ADCY10: variants seen among roughly 807,000 people sequenced by gnomAD.
ADCY10 encodes the protein adenylate cyclase type 10.
A neutral mutation model predicts 183.3 loss-of-function variants in ADCY10; 156 were observed. That is an observed-to-expected ratio of 0.85 (90% CI 0.75 to 0.97). The LOEUF (loss-of-function observed/expected upper bound fraction) is 0.97, where lower values mean the gene tolerates loss of function less well. Ranked by LOEUF, ADCY10 falls within the 50% of genes least tolerant of loss-of-function variation. The probability of loss-of-function intolerance (pLI) is 0.00; values close to 1 mark genes in which losing one functional copy is unlikely to be tolerated. For missense variants in ADCY10, 1,745 were observed against 1,934.3 expected (o/e 0.90, Z 1.84); for synonymous variants, 645 against 670.0 (o/e 0.96, Z 0.58).
chr1:167,832,883 T>C lies in ADCY10; in HGVS notation c.3593+104A>G, dbSNP rs1047367661. On this transcript the variant is annotated intron_variant, in intron 25 of 32. Transcript: ENST00000367851. ...AATGGTCAGAGCCAAACAGGAGTCC[T>C]TGTGCCCCCTGGAGGCCAGGCTTTG... 3.3e-6 allele frequency: 4 copies of C among 1,229,436 alleles called. No individual in the cohort carries two copies. In the African/African-American group the frequency reaches 4.5e-5, roughly 14 times the overall value. 76.2% of individuals were successfully genotyped at this position (1,229,436 alleles called of 1,614,324 possible).
intron 21 of ADCY10, 146 bp from the exon 22 acceptor site, chr1:167,837,464 A>G: frequency 1.4e-6 from 1 of 701,500 alleles, no homozygotes; most frequent in South Asian, 1.5e-5. Flanking sequence ...ATTGTATCTT[A>G]GGTGAAGCCA....
intron 31 of ADCY10, among the ~76,000 whole-genome samples, chr1:167,817,009 A>T (rs1207808611): frequency 1.3e-5 from 2 of 152,196 alleles, no homozygotes; most frequent in African/African-American, 4.8e-5. Flanking sequence ...ACATCTCCTA[A>T]GCAGAGATCC....
At chr1:167,908,956 T>C (rs535287768) in intron 1 of ADCY10, among the ~76,000 whole-genome samples, 1 of 152,240 alleles carries the variant, frequency 6.6e-6, no homozygotes, top group Non-Finnish European at 1.5e-5. Flanking sequence ...AAATCATAAG[T>C]GTATAGCTTG....
In ADCY10 at chr1:167,878,667, G is replaced by A. The variant is rs755262537; in HGVS notation, c.1217-32C>T. 16 of 1,595,078 alleles carry A rather than the reference G, an allele frequency of 1.0e-5. No individual in the cohort carries two copies. In the East Asian group the frequency reaches 3.4e-4, roughly 33 times the overall value. ...CAAGAAAGAGAAAGTCAAAGATCAG[G>A]GAAATAACAGGCATTGAACTGAATG... On this transcript the variant is annotated intron_variant, in intron 11 of 32. Transcript: ENST00000367851.
At chr1:167,853,864 A>T (rs1665686628) in intron 18 of ADCY10, among the ~76,000 whole-genome samples, 1 of 85,804 alleles carries the variant, frequency 1.2e-5, no homozygotes. Flanking sequence ...TTTGAGACAG[A>T]GTCTCACTCT....
rs368439510 is a variant in ADCY10 at position 167,870,451 on chromosome 1, G to A, written c.1463-41C>T. 328 of 1,520,794 alleles carry A rather than the reference G, an allele frequency of 2.2e-4. No homozygotes were observed. The African/African-American group carries it at 3.5e-3, about 16-fold the overall frequency. 94.2% of individuals were successfully genotyped at this position (1,520,794 alleles called of 1,614,324 possible). ...TTAAAAAAGAGCAAACTCAATCAAC[G>A]TAAAATAGTCTAGAGATATAAAAAG... On this transcript the variant is annotated intron_variant, in intron 13 of 32. Coordinates refer to ENST00000367851, the MANE Select transcript of ADCY10 (RefSeq NM_018417.6).
rs373505519 is a variant in ADCY10 at position 167,832,981 on chromosome 1, C to T, written c.3593+6G>A. ...ACAGTCTGCTCTCCCCAGCTCCTTC[C>T]CTTACCCTGGAGGTGGGCTCTCTTG... On this transcript the variant is annotated splice_donor_region_variant and intron_variant, in intron 25 of 32. Transcript: ENST00000367851. 1.5e-5 allele frequency: 25 copies of T among 1,613,328 alleles called. No homozygotes were observed. In the Admixed American group the frequency reaches 2.2e-4, roughly 14 times the overall value.
chr1:167,837,124 C>G (rs1664267915), intron 22 of ADCY10, 125 bp downstream of exon 22: 1 of 817,322 alleles, frequency 1.2e-6, no homozygotes, highest in South Asian at 1.4e-5. Flanking sequence ...ATGCATACCC[C>G]CCAAAGTTTC....
chr1:167,883,030 G>T (rs773557622), intron 9 of ADCY10, among the ~76,000 whole-genome samples: 1 of 152,102 alleles, frequency 6.6e-6, no homozygotes, highest in Non-Finnish European at 1.5e-5. Flanking sequence ...TGGCCTTCTA[G>T]GTTAAATTTC....
intron 30 of ADCY10, among the ~76,000 whole-genome samples, chr1:167,821,700 C>G (rs1662925066): frequency 6.6e-6 from 1 of 152,222 alleles, no homozygotes; most frequent in Admixed American, 6.5e-5. Flanking sequence ...GCAAGTGGTG[C>G]TATTCATTAG....
At chr1:167,829,695 C>T (rs1349459899) in intron 25 of ADCY10, among the ~76,000 whole-genome samples, 6 of 152,172 alleles carry the variant, frequency 3.9e-5, no homozygotes, top group African/African-American at 1.2e-4. Context: ...CTAAATGAAG[C>T]TATTTAAAAA....
At chr1:167,857,313 G>T (rs1297171400) in intron 16 of ADCY10, among the ~76,000 whole-genome samples, 1 of 152,168 alleles carries the variant, frequency 6.6e-6, no homozygotes, top group African/African-American at 2.4e-5. Context: ...GTTATAACCT[G>T]CCTTGTTCAC....
At chr1:167,913,684 G>A (rs1300696709) in intron 1 of ADCY10, among the ~76,000 whole-genome samples, 2 of 150,892 alleles carry the variant, frequency 1.3e-5, no homozygotes, top group Non-Finnish European at 2.9e-5. Flanking sequence ...GCACTTGGTA[G>A]TTGTTGACTG....
At chr1:167,872,748 G>A (rs1404589772) in intron 13 of ADCY10, among the ~76,000 whole-genome samples, 4 of 149,166 alleles carry the variant, frequency 2.7e-5, no homozygotes, top group Non-Finnish European at 5.9e-5. Flanking sequence ...GGTGGAATCA[G>A]TGCAAAAGGG....
intron 21 of ADCY10, among the ~76,000 whole-genome samples, chr1:167,838,723 C>T (rs1664406252): frequency 6.6e-6 from 1 of 152,164 alleles, no homozygotes; most frequent in Admixed American, 6.5e-5. Context: ...ACTTTAACTA[C>T]AGACCCATAT....
At position 167,845,828 on chromosome 1, in the gene ADCY10, A is replaced by G. The variant is rs1387276803; in HGVS notation, c.2742T>C (p.Arg914=). 1.2e-6 allele frequency: 2 copies of G among 1,614,110 alleles called. No individual in the cohort carries two copies. Among genetic ancestry groups the G allele is most frequent in the Non-Finnish European group, 1.7e-6 (2 of 1,180,040 alleles). Residue 914 remains arginine (R), a synonymous_variant, in exon 21 of 33, where the codon CGT becomes CGC. Transcript: ENST00000367851. ...GMDHGEEEQL[R]ELENEVIECH... ...ACTCGATCACCTCATTCTCCAGTTC[A>G]CGAAGCTGTTCCTCTTCACCGTGAT...
At chr1:167,909,655 G>A (rs1476551587) in intron 1 of ADCY10, among the ~76,000 whole-genome samples, 7 of 152,078 alleles carry the variant, frequency 4.6e-5, no homozygotes, top group South Asian at 4.2e-4. Flanking sequence ...CAGGGAAGCC[G>A]AAAGATTGGA....
intron 13 of ADCY10, among the ~76,000 whole-genome samples, chr1:167,870,683 C>T (rs1399167106): frequency 6.6e-6 from 1 of 150,546 alleles, no homozygotes; most frequent in Non-Finnish European, 1.5e-5. Flanking sequence ...GTGGCGGGTG[C>T]CTGTAGTCCC....
intron 3 of ADCY10, among the ~76,000 whole-genome samples, 177 bp downstream of exon 3, chr1:167,903,710 T>A (rs758565794): frequency 2.0e-4 from 31 of 152,230 alleles, no homozygotes; most frequent in Non-Finnish European, 4.1e-4. Flanking sequence ...GAGGTTTGAT[T>A]ATATTTATTT....
Sources: gnomAD v4.1 joint callset for allele counts (sites outside exome capture counted in the v4.1 genomes callset) on GRCh38, gnomAD v4.1.1 for gene constraint, MANE v1.5 for transcripts, NCBI Gene and HGNC (gene_info 2026-07-23, HGNC 2026-07-21) for gene names.